FANCC: variants seen among roughly 807,000 people sequenced by gnomAD.
FANCC encodes the protein FA complementation group C, also known as Fanconi anemia group C protein.
A neutral mutation model predicts 71.3 loss-of-function variants in FANCC; 55 were observed. The ratio of observed to expected loss-of-function variants is 0.77; its 90% CI spans 0.62 to 0.97. FANCC has a LOEUF of 0.97. Among genes scored for constraint, FANCC ranks in the 50% least tolerant of loss-of-function variants. The pLI is 0.00. For missense variants in FANCC, 678 were observed against 670.9 expected (o/e 1.01, Z -0.12); for synonymous variants, 275 against 244.9 (o/e 1.12, Z -1.15).
chr9:95,293,240 G>T, intron 1 of FANCC: 5 of 1,613,192 alleles, frequency 3.1e-6, no homozygotes, highest in Non-Finnish European at 4.2e-6. Context: ...GCCCAAAGTG[G>T]CTTTGCTTAA....
At chr9:95,259,771 G>A (rs1250222080) in intron 1 of FANCC, among the ~76,000 whole-genome samples, 1 of 152,086 alleles carries the variant, frequency 6.6e-6, no homozygotes, top group Non-Finnish European at 1.5e-5. Context: ...CAGAATGGGA[G>A]AAAATTTTTG....
chr9:95,176,520 G>T (rs1224019475), intron 4 of FANCC, among the ~76,000 whole-genome samples: 1 of 152,234 alleles, frequency 6.6e-6, no homozygotes, highest in East Asian at 1.9e-4. Context: ...TCACTTGTGA[G>T]AATTGACTTC....
chr9:95,111,331 C>A (rs2134540550), intron 13 of FANCC, 132 bp downstream of exon 13: 1 of 1,597,538 alleles, frequency 6.3e-7, no homozygotes, highest in Non-Finnish European at 8.5e-7. Context: ...TGCAGGTTGC[C>A]ATGACATATG....
intron 3 of FANCC, among the ~76,000 whole-genome samples, chr9:95,243,842 CAGGAAGAA>C (rs1210104312): frequency 1.3e-5 from 2 of 152,140 alleles, no homozygotes; most frequent in Admixed American, 1.3e-4. Context: ...AGATCCCTTC[CAGGAAGAA>C]AGCGCCCAAC....
In FANCC at chr9:95,172,097, A is replaced by G. The variant is rs1482798473; in HGVS notation, c.396T>C (p.Ala132=). 2.5e-6 allele frequency: 4 copies of G among 1,613,528 alleles called. No homozygotes were observed. Among genetic ancestry groups the G allele is most frequent in the Non-Finnish European group, 3.4e-6 (4 of 1,179,534 alleles). ...LSALRFDKEV[A]LFTQGLGYAP... Reference sequence around the variant, plus strand: ...CATACCCAAGACCTTGAGTGAAAAGAGCAACTTCTTTATCAAATCTGAGTG... The same window carrying G: ...CATACCCAAGACCTTGAGTGAAAAGGGCAACTTCTTTATCAAATCTGAGTG... Residue 132 remains alanine (A), a synonymous_variant, in exon 5 of 15, where the codon GCT becomes GCC. Coordinates refer to ENST00000289081, the MANE Select transcript of FANCC (RefSeq NM_000136.3).
intron 7 of FANCC, among the ~76,000 whole-genome samples, chr9:95,141,985 G>GTTTTTTTTTTTTTTTTTTTTTTTTTTTTT (rs1163083695): frequency 3.6e-5 from 3 of 83,138 alleles, no homozygotes; most frequent in Non-Finnish European, 4.2e-5. Flanking sequence ...AGTTTGTGGG[G>GTTTTTTTTTTTTTTTTTTTTTTTTTTTTT]TTTTTTTTTT....
chr9:95,293,383 T>G lies in FANCC; in HGVS notation c.-79+24143A>C, dbSNP rs1743536205. On this transcript the variant is annotated intron_variant, in intron 1 of 14. Transcript: ENST00000289081. ...TGCACTTACTGCCTGCCCTTGTCAGTAGGAACCCTGATCCTCGGCCTAGAT... is the reference window on the plus strand; with the variant it reads ...TGCACTTACTGCCTGCCCTTGTCAGGAGGAACCCTGATCCTCGGCCTAGAT... The G allele has an allele frequency of 2.5e-6, 4 of 1,585,990 alleles. No homozygotes were observed. In the Admixed American group the frequency reaches 7.3e-5, roughly 29 times the overall value.
rs1162048314 is a variant in FANCC at position 95,242,479 on chromosome 9, CAAAAAAAA to C, written c.251-1744_251-1737del. Among the ~76,000 whole-genome samples the C allele has an allele frequency of 1.2e-4, 7 of 56,240 alleles. No homozygotes were observed. The South Asian group carries it at 2.7e-3, about 22-fold the overall frequency. 36.9% of individuals were successfully genotyped at this position (56,240 alleles called of 152,430 possible). A position where few individuals can be genotyped will look rare whatever the true frequency, so the allele number is the denominator to read the frequency against. On this transcript the variant is annotated intron_variant, in intron 3 of 14. Transcript: ENST00000289081. Reference sequence around the variant, plus strand: ...TTTCCAAAAACCAGACATTCACCACCAAAAAAAAAAAAAAAAAAAAAGAAAGGAAATGT... The same window carrying C: ...TTTCCAAAAACCAGACATTCACCACCAAAAAAAAAAAAAGAAAGGAAATGT...
intron 4 of FANCC, among the ~76,000 whole-genome samples, chr9:95,176,481 C>T (rs564129827): frequency 5.2e-4 from 79 of 152,300 alleles, no homozygotes; most frequent in African/African-American, 1.9e-3. Flanking sequence ...TGTCCAATCC[C>T]CTCTGCCTGG....
chr9:95,147,334 A>T (rs1829701121), intron 7 of FANCC, among the ~76,000 whole-genome samples: 1 of 152,120 alleles, frequency 6.6e-6, no homozygotes, highest in Non-Finnish European at 1.5e-5. Flanking sequence ...CCTGACCAAC[A>T]TGGAAAACCC....
chr9:95,240,971 C>T (rs374749245), intron 3 of FANCC, among the ~76,000 whole-genome samples: 5 of 152,304 alleles, frequency 3.3e-5, no homozygotes, highest in African/African-American at 1.2e-4. Flanking sequence ...TTCAGAATTC[C>T]CTAAACTTAA....
intron 6 of FANCC, among the ~76,000 whole-genome samples, chr9:95,168,135 G>T (rs1040999392): frequency 6.6e-6 from 1 of 152,128 alleles, no homozygotes; most frequent in East Asian, 1.9e-4. Context: ...TTGTGGTATT[G>T]CAGATTCTCC....
chr9:95,144,130 G>C (rs985302250), intron 7 of FANCC, among the ~76,000 whole-genome samples: 6 of 152,292 alleles, frequency 3.9e-5, no homozygotes, highest in Admixed American at 2.0e-4. Flanking sequence ...CAGCACATCT[G>C]GGGAGGGGGG....
intron 1 of FANCC, among the ~76,000 whole-genome samples, chr9:95,315,646 A>G (rs1326000108): frequency 2.6e-5 from 4 of 152,232 alleles, no homozygotes; most frequent in Admixed American, 6.5e-5. Flanking sequence ...ATCCACAAAC[A>G]AGACAGAGAA....
chr9:95,279,852 G>A (rs2136258643), intron 1 of FANCC, among the ~76,000 whole-genome samples: 1 of 151,336 alleles, frequency 6.6e-6, no homozygotes, highest in African/African-American at 2.4e-5. Context: ...GGTGGGTGAG[G>A]CAGGAGAATC....
intron 4 of FANCC, among the ~76,000 whole-genome samples, chr9:95,179,833 G>A (rs1826232689): frequency 6.6e-6 from 1 of 152,220 alleles, no homozygotes; most frequent in African/African-American, 2.4e-5. Flanking sequence ...TGTTGAGGCT[G>A]AGTGTCAGGT....
intron 1 of FANCC, among the ~76,000 whole-genome samples, chr9:95,316,420 C>T (rs574845165): frequency 6.6e-6 from 1 of 152,276 alleles, no homozygotes; most frequent in Non-Finnish European, 1.5e-5. Flanking sequence ...TTTGTAACAA[C>T]CTTTCAGGGG....
At chr9:95,302,272 T>A (rs1345495307) in intron 1 of FANCC, among the ~76,000 whole-genome samples, 1 of 152,166 alleles carries the variant, frequency 6.6e-6, no homozygotes, top group African/African-American at 2.4e-5. Context: ...AGTTGCATTC[T>A]GGTAGAAAGA....
chr9:95,253,240 G>C (rs557243660), intron 1 of FANCC, among the ~76,000 whole-genome samples: 4 of 152,154 alleles, frequency 2.6e-5, no homozygotes, highest in Non-Finnish European at 5.9e-5. Flanking sequence ...GGGAGTGTGG[G>C]TGATGGCTGC....
Sources: gnomAD v4.1 joint callset for allele counts (sites outside exome capture counted in the v4.1 genomes callset) on GRCh38, gnomAD v4.1.1 for gene constraint, MANE v1.5 for transcripts, NCBI Gene and HGNC (gene_info 2026-07-23, HGNC 2026-07-21) for gene names.